The following SPATA13 variants were observed in gnomAD, a reference collection of about 807,000 sequenced individuals.
SPATA13 encodes the protein spermatogenesis associated 13, also known as spermatogenesis-associated protein 13.
Under a neutral mutation model 104.0 loss-of-function variants are expected in SPATA13, and 50 were observed. The ratio of observed to expected loss-of-function variants is 0.48; its 90% CI spans 0.38 to 0.61. The LOEUF is 0.61. Among genes scored for constraint, SPATA13 ranks in the 20% least tolerant of loss-of-function variants. The pLI is 0.00. For synonymous variants in SPATA13, 606 were observed against 667.5 expected (o/e 0.91, Z 1.42); for missense variants, 1,524 against 1,690.6 (o/e 0.90, Z 1.73).
intron 3 of SPATA13, among the ~76,000 whole-genome samples, chr13:24,042,575 G>T (rs903265516): frequency 2.0e-5 from 3 of 152,242 alleles, no homozygotes; most frequent in Non-Finnish European, 4.4e-5. Flanking sequence ...ATCTATGCCC[G>T]TGCGCGAACT....
chr13:24,286,813 A>C lies in SPATA13; in HGVS notation c.2530A>C (p.Ser844Arg). The C allele has an allele frequency of 6.2e-7, 1 of 1,613,624 alleles. No individual in the cohort carries two copies. The highest frequency in any genetic ancestry group is 8.5e-7 in the Non-Finnish European group (1 of 1,179,962). ...ELSENSSSTPSEEQDEEASQS... is the reference protein window; with the variant it reads ...ELSENSSSTPREEQDEEASQS... ...GTCGGAAAACTCCAGCAGCACCCCCAGTGAGGAGCAGGACGAGGAGGCCAG... is the reference window on the plus strand; with the variant it reads ...GTCGGAAAACTCCAGCAGCACCCCCCGTGAGGAGCAGGACGAGGAGGCCAG... Residue 844 changes from serine to arginine, a missense_variant, in exon 7 of 13, where the codon AGT (serine) becomes CGT (arginine). Physicochemically the swap from Ser to Arg is moderately radical, Grantham distance 110. Coordinates refer to ENST00000382108, the MANE Select transcript of SPATA13 (RefSeq NM_001166271.3). The surrounding 1 kb of genome is among the most constrained non-coding windows in gnomAD (Gnocchi z 4.9).
intron 4 of SPATA13, among the ~76,000 whole-genome samples, chr13:24,281,475 G>A (rs1041260559): frequency 2.6e-5 from 4 of 152,194 alleles, no homozygotes; most frequent in Admixed American, 2.6e-4. Flanking sequence ...TGGCTGTCGC[G>A]GTGTCCGGCG....
At chr13:24,246,982 C>T (rs996309418) in intron 2 of SPATA13, among the ~76,000 whole-genome samples, 1 of 152,188 alleles carries the variant, frequency 6.6e-6, no homozygotes, top group African/African-American at 2.4e-5. Flanking sequence ...AATAGGCTTT[C>T]AGGAAAATAC....
chr13:24,259,125 C>T (rs1313390038), intron 4 of SPATA13, among the ~76,000 whole-genome samples: 1 of 152,230 alleles, frequency 6.6e-6, no homozygotes, highest in Non-Finnish European at 1.5e-5. Context: ...TGGGGCCCAA[C>T]AGGCACGTGC....
chr13:24,096,695 G>T (rs866321476), intron 3 of SPATA13, among the ~76,000 whole-genome samples: 4 of 138,768 alleles, frequency 2.9e-5, no homozygotes, highest in African/African-American at 1.3e-4. Flanking sequence ...TTAGACATGA[G>T]GGGGAGTCAC....
intron 3 of SPATA13, chr13:24,122,926 G>T: frequency 1.3e-6 from 1 of 779,190 alleles, no homozygotes; most frequent in South Asian, 1.3e-5. Context: ...ATCTCTTAAT[G>T]ATCTTCAGCT....
chr13:23,983,443 T>C (rs1181919915), intron 1 of SPATA13, among the ~76,000 whole-genome samples: 3 of 152,202 alleles, frequency 2.0e-5, no homozygotes, highest in Admixed American at 6.5e-5. Context: ...TCTGAGGTAC[T>C]GGAGTCAGGA....
intron 4 of SPATA13, chr13:24,270,992 CCT>C (rs137979505): frequency 0.021 from 13,977 of 676,178 alleles, 1 homozygote; most frequent in South Asian, 0.035. Flanking sequence ...CAGTTCTTCC[CCT>C]CTCTCTCTCT....
At chr13:24,163,244 T>C (rs551385958) in intron 1 of SPATA13, among the ~76,000 whole-genome samples, 66 of 152,110 alleles carry the variant, frequency 4.3e-4, no homozygotes, top group African/African-American at 1.5e-3. Flanking sequence ...AAAATAAAAA[T>C]AAGAAATCAG....
chr13:24,234,747 T>C (rs1000591835), intron 2 of SPATA13, among the ~76,000 whole-genome samples: 2 of 152,040 alleles, frequency 1.3e-5, no homozygotes, highest in Non-Finnish European at 2.9e-5. Context: ...GGAGAGGATA[T>C]AGCACTCACA....
intron 3 of SPATA13, among the ~76,000 whole-genome samples, chr13:24,065,795 G>A (rs1463946240): frequency 6.6e-6 from 1 of 152,232 alleles, no homozygotes; most frequent in African/African-American, 2.4e-5. Context: ...CGACAATGCT[G>A]TGAGTTCTGT....
At chr13:24,036,399 G>A (rs1364894352) in intron 3 of SPATA13, among the ~76,000 whole-genome samples, 4 of 152,228 alleles carry the variant, frequency 2.6e-5, no homozygotes, top group African/African-American at 9.7e-5. Context: ...AAGTATGGAA[G>A]TGTAAAAAGG....
intron 3 of SPATA13, chr13:24,034,730 G>A (rs1368318906): frequency 6.6e-6 from 1 of 152,214 alleles, no homozygotes; most frequent in Non-Finnish European, 1.5e-5. Flanking sequence ...ACCTACACGT[G>A]GCTGCTTGTA....
In SPATA13 at chr13:24,223,615, G is replaced by T. The variant is rs1317217068; in HGVS notation, c.686G>T (p.Gly229Val). Residue 229 changes from glycine (G) to valine (V), a missense_variant, in exon 2 of 13, where the codon GGC becomes GTC. Gly to Val is a moderately radical substitution (Grantham distance 109). Coordinates refer to ENST00000382108, the MANE Select transcript of SPATA13 (RefSeq NM_001166271.3). ...CATGCGACACCCACGATAGCCACTGGCCAGGTGCCCGCCGTGTGTGAGATT... is the reference window on the plus strand; with the variant it reads ...CATGCGACACCCACGATAGCCACTGTCCAGGTGCCCGCCGTGTGTGAGATT... The part of the protein sequence containing the change: ...QNHATPTIAT[G>V]QVPAVCEILV... 1.3e-6 allele frequency: 2 copies of T among 1,551,448 alleles called. No individual in the cohort carries two copies. The highest frequency in any genetic ancestry group is 2.7e-5 in the African/African-American group (2 of 73,076).
chr13:24,052,478 A>C (rs1360468944), intron 3 of SPATA13, among the ~76,000 whole-genome samples: 9 of 135,456 alleles, frequency 6.6e-5, no homozygotes, highest in Admixed American at 4.2e-4. Context: ...ACTATTGATA[A>C]AAAGAAATAT....
intron 1 of SPATA13, among the ~76,000 whole-genome samples, chr13:24,204,939 T>C (rs558867500): frequency 6.6e-6 from 1 of 152,108 alleles, no homozygotes; most frequent in African/African-American, 2.4e-5. Flanking sequence ...TCTGCATACA[T>C]CAAAATAATA....
chr13:24,229,129 T>C (rs1473496195), intron 2 of SPATA13, among the ~76,000 whole-genome samples: 1 of 152,254 alleles, frequency 6.6e-6, no homozygotes, highest in Non-Finnish European at 1.5e-5. Flanking sequence ...TGTTGCCTTA[T>C]GGAGGTGTTG....
chr13:24,232,218 C>T (rs370376387), intron 2 of SPATA13, among the ~76,000 whole-genome samples: 10 of 152,250 alleles, frequency 6.6e-5, no homozygotes, highest in South Asian at 2.1e-4. Flanking sequence ...TCATGGAGTC[C>T]GAAGGCCCAA....
intron 2 of SPATA13, among the ~76,000 whole-genome samples, chr13:23,989,798 A>G (rs1313163818): frequency 6.6e-6 from 1 of 152,330 alleles, no homozygotes; most frequent in East Asian, 1.9e-4. Context: ...TGATTAGATC[A>G]TGAGGACAGA....
Sources: gnomAD v4.1 joint callset for allele counts (sites outside exome capture counted in the v4.1 genomes callset) on GRCh38, gnomAD v4.1.1 for gene constraint, Gnocchi (gnomAD v3.1) non-coding constraint, MANE v1.5 for transcripts, NCBI Gene and HGNC (gene_info 2026-07-23, HGNC 2026-07-21) for gene names.